The following CDH19 variants were observed in gnomAD, a reference collection of about 807,000 sequenced individuals.
The protein encoded by CDH19 is cadherin-19.
Under a neutral mutation model 64.2 loss-of-function variants are expected in CDH19, and 67 were observed. The ratio of observed to expected loss-of-function variants is 1.04; its 90% CI spans 0.86 to 1.28. The LOEUF is 1.28. Ranked by LOEUF, CDH19 falls within the 50% of genes most tolerant of loss-of-function variation. CDH19 has a pLI of 0.00. For synonymous variants in CDH19, 346 were observed against 319.3 expected (o/e 1.08, Z -0.89); for missense variants, 1,030 against 929.0 (o/e 1.11, Z -1.41).
At chr18:66,509,339 T>G in intron 10 of CDH19, 93 bp from the exon 11 acceptor site, 1 of 1,036,392 alleles carries the variant, frequency 9.6e-7, no homozygotes, top group East Asian at 2.5e-5. Flanking sequence ...AGTATAGAGA[T>G]ATGATCAAGT....
At chr18:66,535,986 T>A (rs1056348800) in intron 7 of CDH19, among the ~76,000 whole-genome samples, 2 of 148,530 alleles carry the variant, frequency 1.3e-5, no homozygotes, top group Non-Finnish European at 3.0e-5. Context: ...AATGTGCTTT[T>A]AGATTGTGCA....
intron 10 of CDH19, among the ~76,000 whole-genome samples, chr18:66,511,293 A>G (rs11151282): frequency 0.033 from 5,034 of 151,778 alleles, 192 homozygotes; most frequent in East Asian, 0.14. Flanking sequence ...AACTGCAATT[A>G]TATTCGCAGG....
Position 66,554,524 on chromosome 18 carries a change from C to G in CDH19, c.491G>C (p.Gly164Ala). 1 of 1,609,534 alleles carries G rather than the reference C, an allele frequency of 6.2e-7. No individual in the cohort carries two copies. The change falls in exon 4 of 12, where the codon GGA becomes GCA. Residue 164 changes from glycine to alanine, a missense_variant and splice_region_variant. By Grantham distance (60) the Gly-to-Ala change is moderately conservative. Transcript: ENST00000262150. ...EAIVPEMSPE[G>A]TLVIQVTASD... ...TGCTGTCACCTGGATAACTAATGTT[C>G]CTAAAGAGAACATAATACAGGAAAT...
intron 9 of CDH19, among the ~76,000 whole-genome samples, chr18:66,522,089 G>A (rs565854937): frequency 7.6e-4 from 114 of 149,914 alleles, no homozygotes; most frequent in African/African-American, 2.8e-3. Flanking sequence ...TGGTACTACA[G>A]GCGCCCGCCA....
intron 3 of CDH19, 72 bp from the exon 4 acceptor site, chr18:66,554,596 C>T: frequency 8.0e-7 from 1 of 1,250,638 alleles, no homozygotes; most frequent in Non-Finnish European, 1.1e-6. Flanking sequence ...GTGAAGCGGT[C>T]TTTCTTTACC....
chr18:66,597,268 T>C (rs532590531), intron 1 of CDH19, among the ~76,000 whole-genome samples: 6 of 148,546 alleles, frequency 4.0e-5, no homozygotes, highest in South Asian at 2.2e-4. Context: ...AACAGACTCA[T>C]AGACCAACAG....
intron 9 of CDH19, among the ~76,000 whole-genome samples, chr18:66,516,403 T>C (rs546510121): frequency 6.6e-6 from 1 of 152,160 alleles, no homozygotes; most frequent in African/African-American, 2.4e-5. Flanking sequence ...AATTATGGAA[T>C]GTGTTATTTT....
intron 1 of CDH19, among the ~76,000 whole-genome samples, chr18:66,573,627 A>C (rs1001524205): frequency 1.1e-5 from 1 of 90,502 alleles, no homozygotes; most frequent in Non-Finnish European, 2.2e-5. Flanking sequence ...ATTCATGAAA[A>C]AGATTTTTTT....
intron 4 of CDH19, among the ~76,000 whole-genome samples, chr18:66,551,844 C>T (rs1987355512): frequency 6.6e-6 from 1 of 151,792 alleles, no homozygotes; most frequent in South Asian, 2.1e-4. Flanking sequence ...ATTTAATATA[C>T]ATTTATTAAC....
At chr18:66,547,861 G>T (rs1987185758) in intron 5 of CDH19, among the ~76,000 whole-genome samples, 5 of 143,080 alleles carry the variant, frequency 3.5e-5, no homozygotes, top group African/African-American at 8.2e-5. Flanking sequence ...TAGAGACGGG[G>T]TTTCACCGTT....
intron 3 of CDH19, among the ~76,000 whole-genome samples, chr18:66,560,717 C>G (rs1467566221): frequency 2.0e-5 from 3 of 151,938 alleles, no homozygotes; most frequent in Non-Finnish European, 4.4e-5. Context: ...TGTTCTTACT[C>G]TACTGAAGAA....
rs975766785 is a variant in CDH19 at position 66,603,977 on chromosome 18, G to C, written c.-136C>G. ...ACCTTTGTAACTTCAACTTCTAGAAGTTCTGTGAAAACTGAACAGCAAACT... is the reference window on the plus strand; with the variant it reads ...ACCTTTGTAACTTCAACTTCTAGAACTTCTGTGAAAACTGAACAGCAAACT... On this transcript the variant is annotated 5_prime_UTR_variant, in exon 1 of 12. Coordinates refer to ENST00000262150, the MANE Select transcript of CDH19 (RefSeq NM_021153.4). The C allele has an allele frequency of 2.0e-5, 3 of 152,066 alleles. No individual in the cohort carries two copies. The highest frequency in any genetic ancestry group is 2.9e-5 in the Non-Finnish European group (2 of 68,012). The allele number at this position is 152,066 out of a possible 1,614,324, so 9.4% of individuals were successfully genotyped here. A position where few individuals can be genotyped will look rare whatever the true frequency, so the allele number is the denominator to read the frequency against.
rs1987715041 is a variant in CDH19 at position 66,561,341 on chromosome 18, G to T, written c.491-6817C>A. ...TGTCCTGGGTAAAACTGAAGATCTGGTCACTCAATCTACCTTAAAACAACA... is the reference window on the plus strand; with the variant it reads ...TGTCCTGGGTAAAACTGAAGATCTGTTCACTCAATCTACCTTAAAACAACA... On this transcript the variant is annotated intron_variant, in intron 3 of 11. Transcript: ENST00000262150. Among the ~76,000 whole-genome samples the T allele has an allele frequency of 2.0e-5, 3 of 152,024 alleles. No homozygotes were observed. In the South Asian group the frequency reaches 6.2e-4, roughly 31 times the overall value.
At chr18:66,505,392 G>C in intron 11 of CDH19, 90 bp from the exon 12 acceptor site, 1 of 976,166 alleles carries the variant, frequency 1.0e-6, no homozygotes, top group East Asian at 2.7e-5. Flanking sequence ...CTCAAGATGA[G>C]TGCTTAAACT....
At position 66,507,900 on chromosome 18, in the gene CDH19, T is replaced by C. The variant is rs188906779; in HGVS notation, c.1828+1095A>G. 2.2e-4 allele frequency among the ~76,000 whole-genome samples: 33 copies of C among 152,014 alleles called. No homozygotes were observed. The East Asian group carries it at 6.2e-3, about 29-fold the overall frequency. ...TTAATATATTCATCACCTTAAATAC[T>C]TATAAATAAAAGTGGTATGTTGAAG... On this transcript the variant is annotated intron_variant, in intron 11 of 11. Transcript: ENST00000262150.
At chr18:66,578,428 C>G (rs1344507897) in intron 1 of CDH19, among the ~76,000 whole-genome samples, 1 of 151,772 alleles carries the variant, frequency 6.6e-6, no homozygotes, top group Non-Finnish European at 1.5e-5. Flanking sequence ...CAATGAGATA[C>G]CAGTAAACTC....
At chr18:66,584,749 G>C (rs916867417) in intron 1 of CDH19, among the ~76,000 whole-genome samples, 2 of 151,910 alleles carry the variant, frequency 1.3e-5, no homozygotes, top group African/African-American at 4.8e-5. Context: ...ATGAACACAG[G>C]CTATTTCTTA....
intron 2 of CDH19, among the ~76,000 whole-genome samples, chr18:66,570,817 C>T (rs981242258): frequency 6.6e-6 from 1 of 151,532 alleles, no homozygotes; most frequent in African/African-American, 2.4e-5. Flanking sequence ...AATGTGACAG[C>T]CCCAGAGGTG....
chr18:66,600,219 A>G (rs915169375), intron 1 of CDH19, among the ~76,000 whole-genome samples: 1 of 151,892 alleles, frequency 6.6e-6, no homozygotes, highest in African/African-American at 2.4e-5. Context: ...ACCTGCACCA[A>G]ATTGTCAATA....
Sources: allele counts gnomAD v4.1 joint callset (sites outside exome capture counted in the v4.1 genomes callset), GRCh38; gene constraint gnomAD v4.1.1; transcripts MANE v1.5; gene names NCBI Gene and HGNC (gene_info 2026-07-23, HGNC 2026-07-21).